Variants in CYP7B1 observed in about 807,000 individuals in gnomAD.
The protein encoded by CYP7B1 is cytochrome P450 family 7 subfamily B member 1.
A neutral mutation model predicts 42.7 loss-of-function variants in CYP7B1; 29 were observed. That is an observed-to-expected ratio of 0.68 (90% CI 0.51 to 0.93). The LOEUF (loss-of-function observed/expected upper bound fraction) is 0.93. Ranked by LOEUF, CYP7B1 falls within the 40% of genes least tolerant of loss-of-function variation. The pLI is 0.00. For synonymous variants in CYP7B1, 235 were observed against 218.2 expected, an observed-to-expected ratio of 1.08 and a Z score of -0.68; for missense variants, 655 against 600.5, an observed-to-expected ratio of 1.09 and a Z score of -0.95.
chr8:64,623,152 T>C (rs1281822280), intron 2 of CYP7B1, among the ~76,000 whole-genome samples: 1 of 152,184 alleles, frequency 6.6e-6, no homozygotes, highest in Non-Finnish European at 1.5e-5. Context: ...TCCTTCCATC[T>C]CTCTACATGT....
chr8:64,793,016 G>T (rs558189887), intron 1 of CYP7B1, among the ~76,000 whole-genome samples: 2 of 152,216 alleles, frequency 1.3e-5, no homozygotes, highest in Non-Finnish European at 2.9e-5. Flanking sequence ...CCTCATAAGA[G>T]AGAGGAAGGG....
At chr8:64,684,463 C>T (rs909363938) in intron 1 of CYP7B1, among the ~76,000 whole-genome samples, 1 of 152,188 alleles carries the variant, frequency 6.6e-6, no homozygotes, top group African/African-American at 2.4e-5. Flanking sequence ...TATGATAAAC[C>T]CTGTATCACG....
At chr8:64,698,375 T>G (rs953104481) in intron 1 of CYP7B1, among the ~76,000 whole-genome samples, 1 of 152,132 alleles carries the variant, frequency 6.6e-6, no homozygotes, top group Non-Finnish European at 1.5e-5. Flanking sequence ...TTCCTACTCT[T>G]TCCCCTCACT....
chr8:64,637,262 C>T (rs926224596), intron 1 of CYP7B1, among the ~76,000 whole-genome samples: 5 of 152,172 alleles, frequency 3.3e-5, no homozygotes, highest in Non-Finnish European at 7.3e-5. Context: ...CTCTAGTTTA[C>T]TGAAGTGGGA....
intron 1 of CYP7B1, among the ~76,000 whole-genome samples, chr8:64,644,425 C>T (rs569766572): frequency 8.5e-5 from 13 of 152,200 alleles, no homozygotes; most frequent in African/African-American, 1.2e-4. Flanking sequence ...CCAGCTCCAT[C>T]GGAGGCATCA....
At chr8:64,691,180 C>T (rs1806734874) in intron 1 of CYP7B1, among the ~76,000 whole-genome samples, 1 of 152,164 alleles carries the variant, frequency 6.6e-6, no homozygotes, top group South Asian at 2.1e-4. Context: ...GGGCACTTAT[C>T]AAAGTTGTAT....
At chr8:64,737,013 T>C (rs1807498502) in intron 1 of CYP7B1, among the ~76,000 whole-genome samples, 1 of 152,212 alleles carries the variant, frequency 6.6e-6, no homozygotes, top group Non-Finnish European at 1.5e-5. Flanking sequence ...ACAAATAAAT[T>C]AATGAGACAG....
intron 1 of CYP7B1, among the ~76,000 whole-genome samples, chr8:64,771,545 AAAG>A (rs1306091452): frequency 6.6e-6 from 1 of 152,170 alleles, no homozygotes; most frequent in Non-Finnish European, 1.5e-5. Context: ...ATTTACACAC[AAAG>A]AAGAATGTGC....
At chr8:64,616,343 C>T (rs1196885174) in intron 2 of CYP7B1, 62 bp from the exon 3 acceptor site, 1 of 1,038,124 alleles carries the variant, frequency 9.6e-7, no homozygotes. Flanking sequence ...GAAATAAACA[C>T]CACAAATTAA....
intron 1 of CYP7B1, among the ~76,000 whole-genome samples, chr8:64,725,587 C>A (rs901714285): frequency 2.6e-5 from 4 of 152,162 alleles, no homozygotes; most frequent in Admixed American, 1.3e-4. Context: ...TGGATTCAGG[C>A]TGAAGTAGCT....
chr8:64,751,275 C>A (rs915217018), intron 1 of CYP7B1, among the ~76,000 whole-genome samples: 15 of 152,288 alleles, frequency 9.8e-5, no homozygotes, highest in African/African-American at 3.6e-4. Flanking sequence ...TATAAACCCA[C>A]ACAATTCGCA....
At chr8:64,645,553 C>CA (rs1276556130) in intron 1 of CYP7B1, among the ~76,000 whole-genome samples, 17 of 152,194 alleles carry the variant, frequency 1.1e-4, no homozygotes, top group Admixed American at 7.9e-4. Flanking sequence ...AAAGAGGATA[C>CA]AAACAAATGG....
chr8:64,789,067 C>T (rs187414462), intron 1 of CYP7B1, among the ~76,000 whole-genome samples: 114 of 152,096 alleles, frequency 7.5e-4, no homozygotes, highest in African/African-American at 2.5e-3. Flanking sequence ...ATTACAGGCA[C>T]GCACCATCAT....
At chr8:64,777,329 T>TA (rs1288875405) in intron 1 of CYP7B1, among the ~76,000 whole-genome samples, 1 of 152,088 alleles carries the variant, frequency 6.6e-6, no homozygotes, top group Non-Finnish European at 1.5e-5. Flanking sequence ...CAATAGCACT[T>TA]ACGCTATTTA....
chr8:64,673,906 G>GA (rs58160971), intron 1 of CYP7B1, among the ~76,000 whole-genome samples: 46 of 152,106 alleles, frequency 3.0e-4, no homozygotes, highest in Admixed American at 1.8e-3. Context: ...ACTGGAAAAG[G>GA]AAAAAATATG....
intron 3 of CYP7B1, 22 bp downstream of exon 3, chr8:64,615,669 G>A: frequency 6.2e-7 from 1 of 1,602,426 alleles, no homozygotes; most frequent in African/African-American, 1.3e-5. Flanking sequence ...TTTTAGGCAA[G>A]TGCTCATTCA....
chr8:64,662,672 A>G (rs1159923257), intron 1 of CYP7B1, among the ~76,000 whole-genome samples: 2 of 152,208 alleles, frequency 1.3e-5, no homozygotes, highest in African/African-American at 4.8e-5. Context: ...AGTAATGATC[A>G]CAGTGAAAAA....
chr8:64,596,487 G>C lies in CYP7B1; in HGVS notation c.*155C>G. The C allele has an allele frequency of 1.3e-6, 1 of 747,488 alleles. No individual in the cohort carries two copies. The highest frequency in any genetic ancestry group is 2.1e-6 in the Non-Finnish European group (1 of 478,502). 46.3% of individuals were successfully genotyped at this position (747,488 alleles called of 1,614,324 possible). Reference sequence around the variant, plus strand: ...TGTTTTATATTATGATGGGCTTTGTGACTAAGGACAAACTGGACTGATATC... The same window carrying C: ...TGTTTTATATTATGATGGGCTTTGTCACTAAGGACAAACTGGACTGATATC... On this transcript the variant is annotated 3_prime_UTR_variant, in exon 6 of 6. Coordinates refer to ENST00000310193, the MANE Select transcript of CYP7B1 (RefSeq NM_004820.5).
chr8:64,755,286 C>G (rs542026423), intron 1 of CYP7B1, among the ~76,000 whole-genome samples: 1 of 152,204 alleles, frequency 6.6e-6, no homozygotes, highest in African/African-American at 2.4e-5. Flanking sequence ...AGTGAAAGGA[C>G]GTTCTGCTTC....
Sources: gnomAD v4.1 joint callset for allele counts (sites outside exome capture counted in the v4.1 genomes callset) on GRCh38, gnomAD v4.1.1 for gene constraint, MANE v1.5 for transcripts, NCBI Gene and HGNC (gene_info 2026-07-23, HGNC 2026-07-21) for gene names.